The following KLHL3 variants were observed in gnomAD, a reference collection of about 807,000 sequenced individuals.
KLHL3 encodes kelch-like protein 3.
A neutral mutation model predicts 70.5 loss-of-function variants in KLHL3; 19 were observed. That is an observed-to-expected ratio of 0.27 (90% CI 0.19 to 0.40). The LOEUF is 0.40. Among genes scored for constraint, KLHL3 ranks in the 10% least tolerant of loss-of-function variants. The pLI, the probability that KLHL3 is intolerant of heterozygous loss-of-function variation, is 1.00. For synonymous variants in KLHL3, 258 were observed against 290.3 expected (o/e 0.89, Z 1.13); for missense variants, 512 against 771.1 (o/e 0.66, Z 3.98).
chr5:137,639,208 G>T lies in KLHL3; in HGVS notation c.1022-58C>A. 6.5e-7 allele frequency: 1 copy of T among 1,532,812 alleles called. No homozygotes were observed. Among genetic ancestry groups the T allele is most frequent in the Non-Finnish European group, 9.0e-7 (1 of 1,115,950 alleles). The allele number at this position is 1,532,812 out of a possible 1,614,324, so 95.0% of individuals were successfully genotyped here. On this transcript the variant is annotated intron_variant, in intron 9 of 14. Transcript: ENST00000309755. This position sits in a 1 kb window ranked among gnomAD's most constrained non-coding sequence, Gnocchi z 5.0. ...GGTCAGGCGCATGACTGCTCATGTT[G>T]ATGGATGGCAATGGAGGAGCAAGAC...
At chr5:137,638,930 T>C (rs780438074) in intron 10 of KLHL3, 23 bp downstream of exon 10, 11 of 1,606,722 alleles carry the variant, frequency 6.8e-6, no homozygotes, top group Admixed American at 1.7e-5. Context: ...CTAGGAGGGG[T>C]TGGGAACACA....
chr5:137,686,032 T>G (rs1752155532), intron 5 of KLHL3, among the ~76,000 whole-genome samples: 1 of 152,142 alleles, frequency 6.6e-6, no homozygotes, highest in Non-Finnish European at 1.5e-5. Flanking sequence ...AAAAGAAAGC[T>G]TTTTAGAGAA....
At chr5:137,638,904 G>C (rs750949458) in intron 10 of KLHL3, 49 bp downstream of exon 10, 1 of 1,558,410 alleles carries the variant, frequency 6.4e-7, no homozygotes, top group South Asian at 1.1e-5. Context: ...GGGTTGCATG[G>C]AGGATGTGTC....
At chr5:137,665,276 A>G (rs11242396) in intron 6 of KLHL3, among the ~76,000 whole-genome samples, 42,895 of 152,112 alleles carry the variant, frequency 0.28, 6,393 homozygotes, top group East Asian at 0.55. Context: ...AGAAATAGCC[A>G]TAAATGACTT....
At chr5:137,661,123 T>C (rs1301892575) in intron 7 of KLHL3, 1 of 152,204 alleles carries the variant, frequency 6.6e-6, no homozygotes, top group Admixed American at 6.5e-5. Flanking sequence ...ACGTAATGGG[T>C]ATGCAGAAAA....
At chr5:137,706,066 C>A in intron 3 of KLHL3, 1 of 985,394 alleles carries the variant, frequency 1.0e-6, no homozygotes, top group Non-Finnish European at 1.2e-6. Flanking sequence ...CACATTTATT[C>A]CAAGTTATTG....
intron 1 of KLHL3, among the ~76,000 whole-genome samples, chr5:137,724,042 C>T (rs368187217): frequency 4.6e-5 from 7 of 152,144 alleles, no homozygotes; most frequent in African/African-American, 1.4e-4. Flanking sequence ...TTGGGGAAAG[C>T]GATGTCTTTC....
At chr5:137,641,089 AAAAAATTAAAGTACCAGTTACC>A (rs1750904022) in intron 8 of KLHL3, among the ~76,000 whole-genome samples, 1 of 152,234 alleles carries the variant, frequency 6.6e-6, no homozygotes, top group Admixed American at 6.5e-5. Flanking sequence ...ATTAATAAAT[AAAAAATTAAAGTACCAGTTACC>A]TATAGTTTAC....
At chr5:137,647,689 C>T (rs1162153802) in intron 8 of KLHL3, 1 of 432,248 alleles carries the variant, frequency 2.3e-6, no homozygotes, top group Non-Finnish European at 4.9e-6. Flanking sequence ...GAGGTCGAGC[C>T]AGAAGACTTG....
intron 6 of KLHL3, among the ~76,000 whole-genome samples, chr5:137,666,706 A>G (rs1004116746): frequency 1.3e-5 from 2 of 152,204 alleles, no homozygotes; most frequent in Non-Finnish European, 2.9e-5. Context: ...TTCGGCAACA[A>G]CAGTGACCTT....
intron 1 of KLHL3, among the ~76,000 whole-genome samples, chr5:137,727,915 A>C (rs895112285): frequency 2.6e-5 from 4 of 152,098 alleles, no homozygotes; most frequent in African/African-American, 9.7e-5. Context: ...GACTGTAAAT[A>C]CTCCCACCAT....
At chr5:137,653,685 C>A (rs945430786) in intron 8 of KLHL3, among the ~76,000 whole-genome samples, 2 of 152,184 alleles carry the variant, frequency 1.3e-5, no homozygotes, top group African/African-American at 4.8e-5. Flanking sequence ...TTTTAAAAAA[C>A]AGTTTAGCAA....
chr5:137,679,488 G>A (rs1460647857), intron 5 of KLHL3, among the ~76,000 whole-genome samples: 2 of 152,162 alleles, frequency 1.3e-5, no homozygotes, highest in Admixed American at 1.3e-4. Flanking sequence ...AGCCGGAGAA[G>A]GGAAAAGAAC....
chr5:137,624,402 T>A (rs1244483056), intron 14 of KLHL3, among the ~76,000 whole-genome samples: 2 of 152,184 alleles, frequency 1.3e-5, no homozygotes, highest in Non-Finnish European at 2.9e-5. Flanking sequence ...TCCTCACTTG[T>A]CTCACTCATC....
At chr5:137,700,390 A>G (rs1331983137) in intron 3 of KLHL3, among the ~76,000 whole-genome samples, 1 of 152,230 alleles carries the variant, frequency 6.6e-6, no homozygotes, top group Non-Finnish European at 1.5e-5. Context: ...GACTGTAAGA[A>G]CCAAGAGATT....
intron 8 of KLHL3, among the ~76,000 whole-genome samples, chr5:137,640,229 T>G (rs1180738400): frequency 6.6e-6 from 1 of 152,238 alleles, no homozygotes; most frequent in African/African-American, 2.4e-5. Flanking sequence ...GGGGCTATCT[T>G]GTGGGTATGT....
At chr5:137,723,890 T>C (rs192941211) in intron 1 of KLHL3, among the ~76,000 whole-genome samples, 10 of 152,376 alleles carry the variant, frequency 6.6e-5, no homozygotes, top group Admixed American at 5.9e-4. Context: ...GAAAATTCCC[T>C]TCTATTTTTA....
Position 137,618,145 on chromosome 5 carries a change from G to A in KLHL3, c.*3953C>T, listed in dbSNP as rs1038537294. ...AGAAACACAGCACAGCTGAACATGA[G>A]GGGCTTAGGACTCTAAATAGTGCAA... On this transcript the variant is annotated 3_prime_UTR_variant, in exon 15 of 15. Coordinates refer to ENST00000309755, the MANE Select transcript of KLHL3 (RefSeq NM_017415.3). 1.3e-5 allele frequency: 2 copies of A among 152,500 alleles called. No individual in the cohort carries two copies. The highest frequency in any genetic ancestry group is 2.9e-5 in the Non-Finnish European group (2 of 68,012). The allele number at this position is 152,500 out of a possible 1,614,324, so 9.4% of individuals were successfully genotyped here. A position where few individuals can be genotyped will look rare whatever the true frequency, so the allele number is the denominator to read the frequency against.
intron 5 of KLHL3, among the ~76,000 whole-genome samples, chr5:137,683,163 G>A (rs1016477218): frequency 5.3e-5 from 8 of 152,136 alleles, no homozygotes; most frequent in African/African-American, 1.9e-4. Flanking sequence ...TGTTTGTGTT[G>A]CTTGGTGGGA....
Sources: allele counts gnomAD v4.1 joint callset (sites outside exome capture counted in the v4.1 genomes callset), GRCh38; gene constraint gnomAD v4.1.1; non-coding constraint Gnocchi (gnomAD v3.1); transcripts MANE v1.5; gene names NCBI Gene and HGNC (gene_info 2026-07-23, HGNC 2026-07-21).